The following GUCY1A1 variants were observed in gnomAD, a reference collection of about 807,000 sequenced individuals.
The protein encoded by GUCY1A1 is guanylate cyclase soluble subunit alpha-1.
In GUCY1A1, 48 loss-of-function variants were observed where a neutral mutation model predicts 64.5. That is an observed-to-expected ratio of 0.74 (90% CI 0.59 to 0.95). The LOEUF is 0.95. GUCY1A1 is among the 40% of genes least tolerant of loss of function. The pLI, the probability that GUCY1A1 is intolerant of heterozygous loss-of-function variation, is 0.00. For synonymous variants in GUCY1A1, 308 were observed against 303.4 expected (o/e 1.02, Z -0.16); for missense variants, 804 against 825.3 (o/e 0.97, Z 0.32).
At chr4:155,672,151 C>A (rs972983752) in intron 2 of GUCY1A1, among the ~76,000 whole-genome samples, 1 of 152,054 alleles carries the variant, frequency 6.6e-6, no homozygotes, top group Non-Finnish European at 1.5e-5. Context: ...ATACTTACTG[C>A]AATTAAATTT....
chr4:155,677,806 C>T (rs1735163842), intron 2 of GUCY1A1, among the ~76,000 whole-genome samples: 3 of 152,032 alleles, frequency 2.0e-5, no homozygotes, highest in African/African-American at 4.8e-5. Context: ...GAGCCAAGTT[C>T]GTGCCACTGT....
chr4:155,727,651 T>A (rs1241017979), intron 9 of GUCY1A1, among the ~76,000 whole-genome samples: 3 of 151,796 alleles, frequency 2.0e-5, no homozygotes, highest in African/African-American at 7.2e-5. Context: ...GCATACATTT[T>A]TGTATTTAAT....
intron 2 of GUCY1A1, among the ~76,000 whole-genome samples, chr4:155,676,786 C>T (rs1318678955): frequency 1.3e-5 from 2 of 151,462 alleles, no homozygotes; most frequent in Non-Finnish European, 2.9e-5. Context: ...CAATTAATTC[C>T]CAACCTTTTT....
intron 9 of GUCY1A1, among the ~76,000 whole-genome samples, chr4:155,723,115 C>T (rs1356589375): frequency 6.6e-6 from 1 of 152,046 alleles, no homozygotes; most frequent in East Asian, 1.9e-4. Flanking sequence ...CAAAAGTGAT[C>T]CAAGGGCCTC....
In GUCY1A1 at chr4:155,710,650, T is replaced by G; in HGVS notation, c.485T>G (p.Phe162Cys). Reference protein sequence around the residue: ...LGVVGGTLKDFLNSFSTLLKQ... With the variant: ...LGVVGGTLKDCLNSFSTLLKQ... ...GTGGTTGGAGGCACCCTTAAAGATTTTTTAAACAGCTTCAGTACCCTTCTG... is the reference window on the plus strand; with the variant it reads ...GTGGTTGGAGGCACCCTTAAAGATTGTTTAAACAGCTTCAGTACCCTTCTG... Residue 162 changes from phenylalanine (F) to cysteine (C), a missense_variant, in exon 6 of 10, where the codon TTT (phenylalanine) becomes TGT (cysteine). Phe to Cys is a radical substitution (Grantham distance 205). Transcript: ENST00000506455. The G allele has an allele frequency of 6.2e-7, 1 of 1,613,932 alleles. No individual in the cohort carries two copies. The highest frequency in any genetic ancestry group is 8.5e-7 in the Non-Finnish European group (1 of 1,179,896).
At chr4:155,728,714 G>A (rs536418704) in intron 9 of GUCY1A1, among the ~76,000 whole-genome samples, 7 of 151,850 alleles carry the variant, frequency 4.6e-5, no homozygotes, top group African/African-American at 1.7e-4. Context: ...CAATATGATA[G>A]GTGTGGTGTG....
intron 9 of GUCY1A1, among the ~76,000 whole-genome samples, chr4:155,728,764 T>C (rs1239896158): frequency 2.0e-5 from 3 of 151,874 alleles, no homozygotes; most frequent in African/African-American, 4.8e-5. Flanking sequence ...AAAATTGATT[T>C]ATTCAATTTT....
intron 2 of GUCY1A1, among the ~76,000 whole-genome samples, chr4:155,686,320 C>CA (rs1270785515): frequency 0.015 from 2,210 of 146,504 alleles, 49 homozygotes; most frequent in African/African-American, 0.051. Context: ...TACTAAAATA[C>CA]AAAAAAAAAA....
chr4:155,699,255 A>G (rs1454296204), intron 3 of GUCY1A1, among the ~76,000 whole-genome samples: 1 of 151,470 alleles, frequency 6.6e-6, no homozygotes, highest in Non-Finnish European at 1.5e-5. Context: ...CCTCTCAAAC[A>G]TTTTCTATGG....
At chr4:155,708,913 A>C (rs532842961) in intron 5 of GUCY1A1, among the ~76,000 whole-genome samples, 6 of 148,316 alleles carry the variant, frequency 4.0e-5, no homozygotes, top group Admixed American at 2.1e-4. Flanking sequence ...CAGATAAGAA[A>C]AAATGTGGTA....
At chr4:155,689,748 T>C (rs1272067523) in intron 2 of GUCY1A1, among the ~76,000 whole-genome samples, 1 of 152,174 alleles carries the variant, frequency 6.6e-6, no homozygotes, top group Non-Finnish European at 1.5e-5. Context: ...ACAATTTGTG[T>C]CCAGTACTGT....
rs533518620 is a variant in GUCY1A1 at position 155,696,500 on chromosome 4, A to C, written c.-112-256A>C. Among the ~76,000 whole-genome samples, 15 of 152,364 alleles carry C rather than the reference A, an allele frequency of 9.8e-5. No homozygotes were observed. The Middle Eastern group carries it at 0.01, about 104-fold the overall frequency. The stretch of plus-strand genomic sequence containing the variant: ...AAATGGAAATCAGTAGTTGATGCTA[A>C]GAACATTTTGGAAAAATATATTTTA... On this transcript the variant is annotated intron_variant, in intron 2 of 9. Transcript: ENST00000506455.
rs181003393 is a variant in GUCY1A1, at chr4:155,672,190, C to T, written c.-113+4771C>T. Among the ~76,000 whole-genome samples the T allele has an allele frequency of 2.7e-3, 418 of 152,146 alleles. 2 individuals are homozygous for T. The highest frequency in any genetic ancestry group is 5.4e-3 in the Non-Finnish European group (365 of 67,988). On this transcript the variant is annotated intron_variant, in intron 2 of 9. Coordinates refer to ENST00000506455, the MANE Select transcript of GUCY1A1 (RefSeq NM_001130682.3). ...CATTACCTTTAGTTAGCCTGTTGTT[C>T]CAGAAAGTCAAGGTCATCTTGGATT...
In GUCY1A1 at chr4:155,676,083, G is replaced by A. The variant is rs569563971; in HGVS notation, c.-113+8664G>A. On this transcript the variant is annotated intron_variant, in intron 2 of 9. Transcript: ENST00000506455. ...ACAATGAAGAGGTTGCCCAATAGCA[G>A]TGGTTACTTTTATTATGTTGTCTTT... Among the ~76,000 whole-genome samples, 403 of 151,526 alleles carry A rather than the reference G, an allele frequency of 2.7e-3. 3 individuals are homozygous for A. The highest frequency in any genetic ancestry group is 7.7e-3 in the South Asian group (37 of 4,822).
At chr4:155,719,883 C>A (rs978675454) in intron 8 of GUCY1A1, among the ~76,000 whole-genome samples, 22 of 152,192 alleles carry the variant, frequency 1.4e-4, no homozygotes, top group African/African-American at 5.3e-4. Flanking sequence ...GGTTCCCATT[C>A]AAACTTTTCC....
intron 9 of GUCY1A1, 184 bp downstream of exon 9, chr4:155,722,376 T>A: frequency 9.2e-6 from 13 of 1,406,544 alleles, no homozygotes; most frequent in Non-Finnish European, 1.2e-5. Flanking sequence ...CTCCTAAGAA[T>A]GACTTGCCTG....
At chr4:155,685,233 A>G (rs923196727) in intron 2 of GUCY1A1, among the ~76,000 whole-genome samples, 2 of 152,170 alleles carry the variant, frequency 1.3e-5, no homozygotes, top group African/African-American at 4.8e-5. Context: ...ATTAAATAAG[A>G]TAATGTATGT....
intron 2 of GUCY1A1, among the ~76,000 whole-genome samples, chr4:155,688,672 T>A (rs770005300): frequency 3.9e-5 from 6 of 152,156 alleles, no homozygotes; most frequent in Non-Finnish European, 8.8e-5. Flanking sequence ...ACAGCATAGA[T>A]GTTCTTGGAA....
Position 155,717,181 on chromosome 4 carries a change from A to G in GUCY1A1, c.1595A>G (p.Tyr532Cys). 8.5e-6 allele frequency: 13 copies of G among 1,536,878 alleles called. No homozygotes were observed. The highest frequency in any genetic ancestry group is 1.1e-5 in the Non-Finnish European group (13 of 1,134,464). ...TAGGTGGAGACCATTGGCGATGCCTATTGTGTAGCTGGGGGATTACACAAA... is the reference window on the plus strand; with the variant it reads ...TAGGTGGAGACCATTGGCGATGCCTGTTGTGTAGCTGGGGGATTACACAAA... Reference protein sequence around the residue: ...VYKVETIGDAYCVAGGLHKES... With the variant: ...VYKVETIGDACCVAGGLHKES... The change falls in exon 8 of 10, where the codon TAT (tyrosine) becomes TGT (cysteine). Residue 532 changes from tyrosine to cysteine, a missense_variant. Coordinates refer to ENST00000506455, the MANE Select transcript of GUCY1A1 (RefSeq NM_001130682.3).
Sources: gnomAD v4.1 joint callset for allele counts (sites outside exome capture counted in the v4.1 genomes callset) on GRCh38, gnomAD v4.1.1 for gene constraint, MANE v1.5 for transcripts, NCBI Gene and HGNC (gene_info 2026-07-23, HGNC 2026-07-21) for gene names.